ADHFE1: variants seen among roughly 807,000 people sequenced by gnomAD.
ADHFE1 encodes hydroxyacid-oxoacid transhydrogenase, mitochondrial.
In ADHFE1, 37 loss-of-function variants were observed where a neutral mutation model predicts 54.8. The observed-to-expected ratio is 0.68, with a 90% confidence interval of 0.52 to 0.89. The LOEUF (loss-of-function observed/expected upper bound fraction) is 0.89. Among genes scored for constraint, ADHFE1 ranks in the 40% least tolerant of loss-of-function variants. The probability of loss-of-function intolerance (pLI) is 0.00; values close to 1 mark genes in which losing one functional copy is unlikely to be tolerated. For missense variants in ADHFE1, 601 were observed against 591.2 expected, an observed-to-expected ratio of 1.02 and a Z score of -0.17; for synonymous variants, 203 against 229.3, an observed-to-expected ratio of 0.89 and a Z score of 1.04.
Position 66,444,642 on chromosome 8 carries a change from A to T in ADHFE1, c.247A>T (p.Asn83Tyr). 6.2e-7 allele frequency: 1 copy of T among 1,614,226 alleles called. No homozygotes were observed. The highest frequency in any genetic ancestry group is 8.5e-7 in the Non-Finnish European group (1 of 1,180,040). The change falls in exon 5 of 14, where the codon AAC becomes TAC. Residue 83 changes from asparagine (N) to tyrosine (Y), a missense_variant. By Grantham distance (143) the Asn-to-Tyr change is moderately radical. Coordinates refer to ENST00000396623, the MANE Select transcript of ADHFE1 (RefSeq NM_144650.3). ...AKNVCLMTDK[N>Y]LSKLPPVQVA... The stretch of plus-strand genomic sequence containing the variant: ...AAATGTGTGCTTGATGACAGACAAG[A>T]ACCTCTCCAAGCTCCCTCCTGTGCA...
chr8:66,437,076 G>A (rs140143552), intron 1 of ADHFE1, among the ~76,000 whole-genome samples: 1 of 152,302 alleles, frequency 6.6e-6, no homozygotes, highest in Non-Finnish European at 1.5e-5. Context: ...GGGAATGGGA[G>A]AAGATAAATC....
chr8:66,437,466 G>C (rs1237326096), intron 1 of ADHFE1, among the ~76,000 whole-genome samples: 2 of 152,132 alleles, frequency 1.3e-5, no homozygotes, highest in Non-Finnish European at 1.5e-5. Flanking sequence ...GCCTCACTCT[G>C]CTTCTCTGAA....
intron 1 of ADHFE1, among the ~76,000 whole-genome samples, chr8:66,434,991 AAGATGTGCAATGCAGC>A (rs1198478139): frequency 6.6e-6 from 1 of 151,910 alleles, no homozygotes; most frequent in Non-Finnish European, 1.5e-5. Context: ...AAAAAAAAAA[AAGATGTGCAATGCAGC>A]CCTGCTTTGA....
intron 13 of ADHFE1, among the ~76,000 whole-genome samples, chr8:66,464,047 C>G (rs957479456): frequency 1.5e-4 from 23 of 152,244 alleles, no homozygotes; most frequent in African/African-American, 5.5e-4. Context: ...GGAGCGCTGT[C>G]TACCCAAATG....
intron 13 of ADHFE1, among the ~76,000 whole-genome samples, chr8:66,461,811 C>T (rs1021786302): frequency 6.6e-6 from 1 of 152,272 alleles, no homozygotes; most frequent in East Asian, 1.9e-4. Context: ...CCGTGAACCA[C>T]CAGTTTCCCT....
intron 1 of ADHFE1, among the ~76,000 whole-genome samples, chr8:66,433,323 C>G (rs575244711): frequency 7.2e-4 from 110 of 152,314 alleles, no homozygotes; most frequent in African/African-American, 2.4e-3. Flanking sequence ...GATGGAGATG[C>G]AGTCCCAGGA....
At chr8:66,466,404 C>G (rs1807189441) in intron 13 of ADHFE1, among the ~76,000 whole-genome samples, 1 of 152,136 alleles carries the variant, frequency 6.6e-6, no homozygotes, top group South Asian at 2.1e-4. Flanking sequence ...TCCAAGAAAT[C>G]ATTGCCAAAG....
chr8:66,461,281 G>A (rs1160879006), intron 13 of ADHFE1, among the ~76,000 whole-genome samples: 3 of 152,184 alleles, frequency 2.0e-5, no homozygotes, highest in Admixed American at 6.5e-5. Context: ...GAAAGGCAGA[G>A]GTCACCTCAA....
intron 12 of ADHFE1, among the ~76,000 whole-genome samples, chr8:66,459,231 A>G (rs1806754018): frequency 6.6e-6 from 1 of 152,010 alleles, no homozygotes; most frequent in African/African-American, 2.4e-5. Flanking sequence ...AGAGGGCTTT[A>G]CTTCTTGGCA....
At chr8:66,454,996 C>G (rs914738864) in intron 10 of ADHFE1, among the ~76,000 whole-genome samples, 4 of 152,182 alleles carry the variant, frequency 2.6e-5, no homozygotes, top group African/African-American at 7.2e-5. Context: ...GAATTACAGG[C>G]ATGAGCCACC....
chr8:66,466,040 GTT>G (rs35896820), intron 13 of ADHFE1, among the ~76,000 whole-genome samples: 369 of 145,840 alleles, frequency 2.5e-3, no homozygotes, highest in Admixed American at 5.4e-3. Context: ...TAGTTTATCT[GTT>G]TTTTTTTTTC....
At chr8:66,434,261 T>A (rs140393423) in intron 1 of ADHFE1, among the ~76,000 whole-genome samples, 7 of 152,270 alleles carry the variant, frequency 4.6e-5, no homozygotes, top group African/African-American at 9.6e-5. Flanking sequence ...AGGAGGAAAA[T>A]GGCAACTTCA....
In ADHFE1 at chr8:66,437,731, G is replaced by A. The variant is rs118014119; in HGVS notation, c.60-2431G>A. Among the ~76,000 whole-genome samples the A allele has an allele frequency of 2.7e-3, 413 of 152,324 alleles. 1 individual carries two copies. The highest frequency in any genetic ancestry group is 4.5e-3 in the Non-Finnish European group (304 of 68,030). ...GGGGATAAAGTTGTGAGAAACAGTA[G>A]ATCCTGCCTGGGCATCACTAAATTC... On this transcript the variant is annotated intron_variant, in intron 1 of 13. Transcript: ENST00000396623.
intron 13 of ADHFE1, among the ~76,000 whole-genome samples, chr8:66,460,740 C>G (rs982008838): frequency 1.3e-5 from 2 of 152,170 alleles, no homozygotes; most frequent in Admixed American, 6.5e-5. Context: ...GCAAAAACAA[C>G]CAAACTGATC....
Position 66,444,590 on chromosome 8 carries a change from G to A in ADHFE1, c.199-4G>A, listed in dbSNP as rs750532947. 17 of 1,613,862 alleles carry A rather than the reference G, an allele frequency of 1.1e-5. No homozygotes were observed. Among genetic ancestry groups the A allele is most frequent in the Middle Eastern group, 1.6e-4 (1 of 6,084 alleles). On this transcript the variant is annotated splice_polypyrimidine_tract_variant and splice_region_variant and intron_variant, in intron 4 of 13. Coordinates refer to ENST00000396623, the MANE Select transcript of ADHFE1 (RefSeq NM_144650.3). ...TTGAACCTAACTTATAGGTTTTCTT[G>A]TAGGACCTAAAAAACATGGGTGCTA...
intron 10 of ADHFE1, among the ~76,000 whole-genome samples, chr8:66,454,409 T>TTTC (rs2130440501): frequency 6.6e-6 from 1 of 152,324 alleles, no homozygotes; most frequent in African/African-American, 2.4e-5. Flanking sequence ...ATGTATTCTT[T>TTTC]TTCTTTTTTT....
Position 66,440,200 on chromosome 8 carries a change from G to T in ADHFE1, c.97+1G>T. ...ACTCATTCTCATACTTACTCCCAAG[G>T]TAATACTTCTGTATTTTTAAACTAG... On this transcript the variant is annotated splice_donor_variant, in intron 2 of 13. Coordinates refer to ENST00000396623, the MANE Select transcript of ADHFE1 (RefSeq NM_144650.3). LOFTEE classifies it high-confidence loss of function. 6.2e-7 allele frequency: 1 copy of T among 1,610,920 alleles called. No homozygotes were observed. Among genetic ancestry groups the T allele is most frequent in the Non-Finnish European group, 8.5e-7 (1 of 1,179,082 alleles).
intron 12 of ADHFE1, among the ~76,000 whole-genome samples, chr8:66,457,445 T>C (rs1806644553): frequency 6.7e-6 from 1 of 149,064 alleles, no homozygotes; most frequent in Non-Finnish European, 1.5e-5. Context: ...GCCACTGCAC[T>C]CCAGCCTGGG....
chr8:66,440,473 C>G (rs1805693080), intron 2 of ADHFE1, among the ~76,000 whole-genome samples: 1 of 152,078 alleles, frequency 6.6e-6, no homozygotes, highest in East Asian at 1.9e-4. Flanking sequence ...TAAAAATGCA[C>G]AGATAGGATT....
Sources: gnomAD v4.1 joint callset for allele counts (sites outside exome capture counted in the v4.1 genomes callset) on GRCh38, gnomAD v4.1.1 for gene constraint, MANE v1.5 for transcripts, NCBI Gene and HGNC (gene_info 2026-07-23, HGNC 2026-07-21) for gene names.